AFF3: variants seen among roughly 807,000 people sequenced by gnomAD.
The protein encoded by AFF3 is ALF transcription elongation factor 3.
AFF3 carries 32 observed loss-of-function variants against 129.7 expected under a neutral mutation model. That is an observed-to-expected ratio of 0.25 (90% CI 0.19 to 0.33). The LOEUF (loss-of-function observed/expected upper bound fraction) is 0.33, where lower values mean the gene tolerates loss of function less well. AFF3 is among the 10% of genes least tolerant of loss of function. The probability of loss-of-function intolerance (pLI) is 1.00; values close to 1 mark genes in which losing one functional copy is unlikely to be tolerated. For missense variants in AFF3, 1,373 were observed against 1,592.0 expected, an observed-to-expected ratio of 0.86 and a Z score of 2.34; for synonymous variants, 644 against 635.4, an observed-to-expected ratio of 1.01 and a Z score of -0.20.
intron 8 of AFF3, among the ~76,000 whole-genome samples, chr2:99,836,654 A>T (rs1376128337): frequency 1.3e-5 from 2 of 151,950 alleles, no homozygotes; most frequent in African/African-American, 4.8e-5. Context: ...ACTAGCAATT[A>T]AAAAAAAGTG....
Position 99,575,414 on chromosome 2 carries a change from A to ATT in AFF3, c.2918+2911_2918+2912dup, listed in dbSNP as rs540441950. 8.6e-5 allele frequency among the ~76,000 whole-genome samples: 11 copies of ATT among 127,452 alleles called. 1 individual carries two copies. The highest frequency in any genetic ancestry group is 2.4e-4 in the East Asian group (1 of 4,240). 83.6% of individuals were successfully genotyped at this position (127,452 alleles called of 152,430 possible). The stretch of plus-strand genomic sequence containing the variant: ...AGCTGGGATTACAGGTGCCTGGCTA[A>ATT]TTTTTTTTTTTTTTTTTTGTATTTT... On this transcript the variant is annotated intron_variant, in intron 18 of 24. Transcript: ENST00000672756.
rs147958354 is a variant in AFF3, at chr2:99,679,430, C to T, written c.1092-6841G>A. ...ATCCACTTGCCACCTTCTCTGCAGG[C>T]CCATCTTCCCTGGGGGACGGCATCT... On this transcript the variant is annotated intron_variant, in intron 11 of 24. Transcript: ENST00000672756. Among the ~76,000 whole-genome samples the T allele has an allele frequency of 2.6e-5, 4 of 152,206 alleles. No homozygotes were observed. The East Asian group carries it at 7.7e-4, about 29-fold the overall frequency.
rs1224237774 is a variant in AFF3, at chr2:100,007,754, C to T, written c.175-294G>A. On this transcript the variant is annotated intron_variant, in intron 5 of 24. Transcript: ENST00000672756. ...CTTTGGGAGGCCGAGGTGGGCGGAA[C>T]ACCTGAGGTCAGGTGTTTGAGATCA... The T allele has an allele frequency of 6.8e-5, 27 of 395,800 alleles. 2 individuals carry two copies. The South Asian group carries it at 7.3e-4, about 11-fold the overall frequency. 24.5% of individuals were successfully genotyped at this position (395,800 alleles called of 1,614,324 possible).
In AFF3 at chr2:100,046,642, A is replaced by T. The variant is rs540379318; in HGVS notation, c.54-37710T>A. Among the ~76,000 whole-genome samples the T allele has an allele frequency of 9.2e-5, 14 of 152,304 alleles. No individual in the cohort carries two copies. The South Asian group carries it at 2.9e-3, about 32-fold the overall frequency. ...GGAGTAAAAAGTCACGTCATGTTTG[A>T]CCAATGTTAGTCAGATCAAGATTTA... On this transcript the variant is annotated intron_variant, in intron 4 of 24. Coordinates refer to ENST00000672756, the MANE Select transcript of AFF3 (RefSeq NM_001386135.1).
intron 7 of AFF3, among the ~76,000 whole-genome samples, chr2:99,978,920 C>T (rs1679139998): frequency 6.6e-6 from 1 of 152,132 alleles, no homozygotes; most frequent in Non-Finnish European, 1.5e-5. Flanking sequence ...ATCACACATA[C>T]TCAGTGTATG....
chr2:99,572,420 G>A (rs959490253), intron 18 of AFF3, among the ~76,000 whole-genome samples: 4 of 151,778 alleles, frequency 2.6e-5, no homozygotes, highest in Non-Finnish European at 4.4e-5. Flanking sequence ...CTTTGTGGCC[G>A]GGATAGAGTT....
chr2:100,007,750 G>A (rs984208614), intron 5 of AFF3: 11 of 406,830 alleles, frequency 2.7e-5, no homozygotes, highest in African/African-American at 4.0e-5. Flanking sequence ...CGAGGTGGGC[G>A]GAACACCTGA....
At chr2:100,098,445 T>C (rs1436818514) in intron 4 of AFF3, among the ~76,000 whole-genome samples, 2 of 151,148 alleles carry the variant, frequency 1.3e-5, no homozygotes, top group African/African-American at 4.9e-5. Flanking sequence ...ACACAAAATC[T>C]TGCATTCCAT....
chr2:99,953,859 G>T (rs978070588), intron 7 of AFF3, among the ~76,000 whole-genome samples: 2 of 152,198 alleles, frequency 1.3e-5, no homozygotes, highest in Non-Finnish European at 2.9e-5. Flanking sequence ...CCACTGCCTT[G>T]ACCTCCACAT....
intron 15 of AFF3, 127 bp from the exon 16 acceptor site, chr2:99,587,405 C>CTGCTCAGG: frequency 8.9e-7 from 1 of 1,119,598 alleles, no homozygotes; most frequent in Non-Finnish European, 1.3e-6. Flanking sequence ...CGAAGCACAG[C>CTGCTCAGG]CTGAGCAGCT....
chr2:99,620,057 A>C (rs958598627), intron 13 of AFF3, among the ~76,000 whole-genome samples: 7 of 152,200 alleles, frequency 4.6e-5, no homozygotes, highest in Non-Finnish European at 8.8e-5. Flanking sequence ...CCTCATGCAG[A>C]AGGCCTGCTC....
At chr2:100,047,346 G>C (rs1461818484) in intron 4 of AFF3, among the ~76,000 whole-genome samples, 1 of 152,062 alleles carries the variant, frequency 6.6e-6, no homozygotes, top group African/African-American at 2.4e-5. Context: ...TTTGTTCCTT[G>C]GCTCTGTCAT....
chr2:99,734,304 G>T (rs138383780), intron 10 of AFF3, among the ~76,000 whole-genome samples: 5 of 152,086 alleles, frequency 3.3e-5, no homozygotes, highest in African/African-American at 1.2e-4. Context: ...AGATTCTTTT[G>T]AGTTTTCTGC....
At chr2:99,830,918 G>T (rs1457665688) in intron 8 of AFF3, among the ~76,000 whole-genome samples, 1 of 152,148 alleles carries the variant, frequency 6.6e-6, no homozygotes, top group Non-Finnish European at 1.5e-5. Context: ...ACTTATCCTA[G>T]TTCAGTGGGG....
intron 13 of AFF3, among the ~76,000 whole-genome samples, chr2:99,633,008 A>G (rs1683267774): frequency 6.6e-6 from 1 of 152,140 alleles, no homozygotes; most frequent in African/African-American, 2.4e-5. Context: ...ATGGCGAATC[A>G]TGTCGCTTTT....
chr2:99,971,930 A>G (rs1678424379), intron 7 of AFF3, among the ~76,000 whole-genome samples: 1 of 152,192 alleles, frequency 6.6e-6, no homozygotes, highest in South Asian at 2.1e-4. Flanking sequence ...ATGAATAGGA[A>G]AGCAAAAAAG....
chr2:99,666,907 A>G (rs1686722066), intron 12 of AFF3, among the ~76,000 whole-genome samples: 1 of 152,198 alleles, frequency 6.6e-6, no homozygotes, highest in South Asian at 2.1e-4. Flanking sequence ...ATGTGAAAAC[A>G]ACCCGATTGA....
At chr2:99,700,277 T>C (rs1396318703) in intron 11 of AFF3, among the ~76,000 whole-genome samples, 2 of 152,208 alleles carry the variant, frequency 1.3e-5, no homozygotes, top group Non-Finnish European at 2.9e-5. Context: ...TGTGCCACCA[T>C]GCCCGGCTAA....
intron 18 of AFF3, among the ~76,000 whole-genome samples, chr2:99,572,344 G>A (rs1416574278): frequency 8.3e-6 from 1 of 120,862 alleles, no homozygotes; most frequent in African/African-American, 3.2e-5. Flanking sequence ...AGCAGCATCA[G>A]GGTTTGAGCT....
Sources: gnomAD v4.1 joint callset for allele counts (sites outside exome capture counted in the v4.1 genomes callset) on GRCh38, gnomAD v4.1.1 for gene constraint, MANE v1.5 for transcripts, NCBI Gene and HGNC (gene_info 2026-07-23, HGNC 2026-07-21) for gene names.